CACNA2D2: variants seen among roughly 807,000 people sequenced by gnomAD.
The protein encoded by CACNA2D2 is voltage-dependent calcium channel subunit alpha-2/delta-2.
In CACNA2D2, 48 loss-of-function variants were observed where a neutral mutation model predicts 166.4. The observed-to-expected ratio is 0.29, with a 90% CI of 0.23 to 0.37. The LOEUF (loss-of-function observed/expected upper bound fraction) is 0.37. Ranked by LOEUF, CACNA2D2 falls within the 10% of genes least tolerant of loss-of-function variation. CACNA2D2 has a pLI of 1.00. For missense variants in CACNA2D2, 1,122 were observed against 1,433.0 expected (o/e 0.78, Z 3.50); for synonymous variants, 561 against 573.7 (o/e 0.98, Z 0.32).
At position 50,378,067 on chromosome 3, in the gene CACNA2D2, C is replaced by T. The variant is rs969558020; in HGVS notation, c.1420G>A (p.Val474Met). The change falls in exon 15 of 38, where the codon GTG (valine) becomes ATG (methionine). Residue 474 changes from valine (V) to methionine (M), a missense_variant. Physicochemically the swap from Val to Met is conservative, Grantham distance 21. Transcript: ENST00000424201. ...TGCTTGGCCTCCTTGCCTGCCAGCA[C>T]CATGGGCCTGCCCAACACATCTAGA... The part of the protein sequence containing the change: ...EYLDVLGRPM[V>M]LAGKEAKQVQ... The T allele has an allele frequency of 1.2e-6, 2 of 1,613,660 alleles. No homozygotes were observed. Among genetic ancestry groups the T allele is most frequent in the Non-Finnish European group, 1.7e-6 (2 of 1,180,026 alleles).
At position 50,365,199 on chromosome 3, in the gene CACNA2D2, G is replaced by GA. The variant is rs1371896337; in HGVS notation, c.3099-16dup. On this transcript the variant is annotated splice_polypyrimidine_tract_variant and intron_variant, in intron 35 of 37. Transcript: ENST00000424201. This position sits in a 1 kb window ranked among gnomAD's most constrained non-coding sequence, Gnocchi z 4.5. ...CGTGGAACAGCCTGCGGGCAGCCCGGAAAGGCGGGGCGTTGAGTTTGCCCC... is the reference window on the plus strand; with the variant it reads ...CGTGGAACAGCCTGCGGGCAGCCCGGAAAAGGCGGGGCGTTGAGTTTGCCCC... 6.2e-6 allele frequency: 10 copies of GA among 1,611,104 alleles called. No individual in the cohort carries two copies. Among genetic ancestry groups the GA allele is most frequent in the Non-Finnish European group, 8.5e-6 (10 of 1,179,196 alleles).
At chr3:50,437,206 A>G (rs1708391559) in intron 2 of CACNA2D2, among the ~76,000 whole-genome samples, 1 of 152,136 alleles carries the variant, frequency 6.6e-6, no homozygotes, top group African/African-American at 2.4e-5. Flanking sequence ...GACCCACCAC[A>G]GCATCTTTCT....
intron 2 of CACNA2D2, among the ~76,000 whole-genome samples, chr3:50,469,893 T>A (rs1293234889): frequency 3.3e-5 from 5 of 151,942 alleles, no homozygotes; most frequent in Non-Finnish European, 5.9e-5. Context: ...TCCAAGCTGT[T>A]CCCCATCCCC....
At chr3:50,440,326 G>T (rs1388587008) in intron 2 of CACNA2D2, among the ~76,000 whole-genome samples, 1 of 152,246 alleles carries the variant, frequency 6.6e-6, no homozygotes, top group Non-Finnish European at 1.5e-5. Context: ...CAGGCAGGGG[G>T]GCTGCGTGCC....
chr3:50,368,010 C>T, intron 24 of CACNA2D2, 108 bp from the exon 25 acceptor site: 1 of 1,159,950 alleles, frequency 8.6e-7, no homozygotes, highest in Non-Finnish European at 1.3e-6. Context: ...ATGACCTGGC[C>T]CTGGCCCAGG....
At chr3:50,464,803 T>C (rs944746031) in intron 2 of CACNA2D2, among the ~76,000 whole-genome samples, 10 of 152,092 alleles carry the variant, frequency 6.6e-5, no homozygotes, top group Non-Finnish European at 1.5e-5. Flanking sequence ...GGAAGCAGGG[T>C]GCCCGTTAGT....
Position 50,365,784 on chromosome 3 carries a change from C to G in CACNA2D2, c.2915+26G>C. On this transcript the variant is annotated intron_variant, in intron 33 of 37. Coordinates refer to ENST00000424201, the MANE Select transcript of CACNA2D2 (RefSeq NM_006030.4). This position sits in a 1 kb window ranked among gnomAD's most constrained non-coding sequence, Gnocchi z 4.5. ...CCCTCCCGGCCAGGGAGCACCTTCT[C>G]TACCCACCTCCCGCTCAGGACTCAC... 1 of 1,613,376 alleles carries G rather than the reference C, an allele frequency of 6.2e-7. No homozygotes were observed. Among genetic ancestry groups the G allele is most frequent in the South Asian group, 1.1e-5 (1 of 91,016 alleles).
chr3:50,462,387 AAATAATAATAATAATAAT>A (rs55797246), intron 2 of CACNA2D2, among the ~76,000 whole-genome samples: 3 of 137,604 alleles, frequency 2.2e-5, no homozygotes, highest in Admixed American at 1.5e-4. Flanking sequence ...GACTGTCTCA[AAATAATAATAATAATAAT>A]AATAATAATA....
chr3:50,409,864 G>A (rs9828829), intron 3 of CACNA2D2, among the ~76,000 whole-genome samples: 15,141 of 152,236 alleles, frequency 0.099, 2,209 homozygotes, highest in African/African-American at 0.32. Flanking sequence ...CAGCGGGCAC[G>A]AGGAGACCTG....
Position 50,367,630 on chromosome 3 carries a change from T to C in CACNA2D2, c.2297+12A>G. On this transcript the variant is annotated intron_variant, in intron 26 of 37. Coordinates refer to ENST00000424201, the MANE Select transcript of CACNA2D2 (RefSeq NM_006030.4). The surrounding 1 kb of genome is among the most constrained non-coding windows in gnomAD (Gnocchi z 6.5). ...CAGGGGCAGGGTTTGGGTAGTGGGA[T>C]AGGTCACTTACTTGTTGGGGAAGAC... 6.2e-7 allele frequency: 1 copy of C among 1,610,874 alleles called. No homozygotes were observed. Among genetic ancestry groups the C allele is most frequent in the Admixed American group, 1.7e-5 (1 of 59,946 alleles).
rs587615309 is a variant in CACNA2D2 at position 50,364,453 on chromosome 3, G to A, written c.*213C>T. 4.9e-6 allele frequency: 3 copies of A among 610,448 alleles called. No homozygotes were observed. The highest frequency in any genetic ancestry group is 2.9e-5 in the East Asian group (1 of 34,988). 37.8% of individuals were successfully genotyped at this position (610,448 alleles called of 1,614,324 possible). On this transcript the variant is annotated 3_prime_UTR_variant, in exon 38 of 38. Coordinates refer to ENST00000424201, the MANE Select transcript of CACNA2D2 (RefSeq NM_006030.4). ...GGGTCTGGGGACACTTGAACAGTTC[G>A]GAGGTGAGATGTGATTTGGGTGCCA...
At position 50,375,572 on chromosome 3, in the gene CACNA2D2, G is replaced by A; in HGVS notation, c.1907+72C>T. On this transcript the variant is annotated intron_variant, in intron 21 of 37. Coordinates refer to ENST00000424201, the MANE Select transcript of CACNA2D2 (RefSeq NM_006030.4). The surrounding 1 kb of genome is among the most constrained non-coding windows in gnomAD (Gnocchi z 4.0). ...TGGGATGGTGGTCACAGTGGGAGAG[G>A]GAGGGGACAGCTGGGCTCAGATTCT... 6.6e-7 allele frequency: 1 copy of A among 1,521,014 alleles called. No homozygotes were observed. Among genetic ancestry groups the A allele is most frequent in the South Asian group, 1.1e-5 (1 of 87,544 alleles). The allele number at this position is 1,521,014 out of a possible 1,614,324, so 94.2% of individuals were successfully genotyped here.
At chr3:50,416,701 G>A (rs1426794247) in intron 3 of CACNA2D2, among the ~76,000 whole-genome samples, 1 of 152,242 alleles carries the variant, frequency 6.6e-6, no homozygotes, top group East Asian at 1.9e-4. Flanking sequence ...GAGCCGCGGA[G>A]CCACAGTGTG....
At chr3:50,399,025 G>A (rs117135051) in intron 3 of CACNA2D2, among the ~76,000 whole-genome samples, 382 of 152,344 alleles carry the variant, frequency 2.5e-3, no homozygotes, top group African/African-American at 8.5e-3. Context: ...CAGGGACCTG[G>A]GGCCAGGATG....
rs963289142 is a variant in CACNA2D2, at chr3:50,379,042, T to C, written c.1261-49A>G. ...CTGTGGCCACCAGGGGACAGCCCTC[T>C]TCTGTACTGGGCCCAGGTCAGGGTA... On this transcript the variant is annotated intron_variant, in intron 12 of 37. Transcript: ENST00000424201. The surrounding 1 kb of genome is among the most constrained non-coding windows in gnomAD (Gnocchi z 6.5). 6.2e-7 allele frequency: 1 copy of C among 1,613,482 alleles called. No individual in the cohort carries two copies. Among genetic ancestry groups the C allele is most frequent in the South Asian group, 1.1e-5 (1 of 91,064 alleles).
chr3:50,396,046 C>T (rs1282717439), intron 3 of CACNA2D2, among the ~76,000 whole-genome samples: 1 of 152,154 alleles, frequency 6.6e-6, no homozygotes, highest in African/African-American at 2.4e-5. Context: ...TCCTCTCTCC[C>T]CAGCCCAGCC....
intron 2 of CACNA2D2, among the ~76,000 whole-genome samples, chr3:50,458,529 CCT>C (rs1709464055): frequency 6.6e-6 from 1 of 152,200 alleles, no homozygotes; most frequent in South Asian, 2.1e-4. Context: ...CAAAGAACCC[CCT>C]GTTCATCAAT....
intron 3 of CACNA2D2, among the ~76,000 whole-genome samples, chr3:50,397,219 C>CG (rs1335412063): frequency 6.6e-6 from 1 of 152,250 alleles, no homozygotes; most frequent in Non-Finnish European, 1.5e-5. Flanking sequence ...TCGTGAATAA[C>CG]GGAGTCGTAA....
chr3:50,412,490 G>A (rs905015671), intron 3 of CACNA2D2, among the ~76,000 whole-genome samples: 3 of 152,222 alleles, frequency 2.0e-5, no homozygotes, highest in African/African-American at 7.2e-5. Flanking sequence ...GCACAGTCAC[G>A]TGCTGAGCCC....
Sources: allele counts gnomAD v4.1 joint callset (sites outside exome capture counted in the v4.1 genomes callset), GRCh38; gene constraint gnomAD v4.1.1; non-coding constraint Gnocchi (gnomAD v3.1); transcripts MANE v1.5; gene names NCBI Gene and HGNC (gene_info 2026-07-23, HGNC 2026-07-21).